The following RIMS1 variants were observed in gnomAD, a reference collection of about 807,000 sequenced individuals.
The protein encoded by RIMS1 is regulating synaptic membrane exocytosis protein 1.
In RIMS1, 83 loss-of-function variants were observed where a neutral mutation model predicts 214.1. The ratio of observed to expected loss-of-function variants is 0.39; its 90% CI spans 0.32 to 0.47. The LOEUF (loss-of-function observed/expected upper bound fraction) is 0.47, where lower values mean the gene tolerates loss of function less well. Ranked by LOEUF, RIMS1 falls within the 20% of genes least tolerant of loss-of-function variation. The probability of loss-of-function intolerance (pLI) is 0.99; values close to 1 mark genes in which losing one functional copy is unlikely to be tolerated. For synonymous variants in RIMS1, 793 were observed against 786.8 expected, an observed-to-expected ratio of 1.01 and a Z score of -0.13; for missense variants, 2,050 against 2,161.8, an observed-to-expected ratio of 0.95 and a Z score of 1.03.
intron 6 of RIMS1, among the ~76,000 whole-genome samples, chr6:72,223,432 A>T (rs1429523519): frequency 6.6e-6 from 1 of 152,218 alleles, no homozygotes; most frequent in Non-Finnish European, 1.5e-5. Flanking sequence ...TAAGATTTTA[A>T]TTGCTATGTT....
chr6:72,332,682 TAA>T (rs745643840), intron 28 of RIMS1, among the ~76,000 whole-genome samples: 14 of 126,046 alleles, frequency 1.1e-4, no homozygotes, highest in Non-Finnish European at 1.0e-4. Flanking sequence ...ACTTAAAGTA[TAA>T]AAAAAAAAAA....
intron 4 of RIMS1, among the ~76,000 whole-genome samples, chr6:72,143,338 A>G (rs1375712099): frequency 6.6e-6 from 1 of 152,220 alleles, no homozygotes; most frequent in Non-Finnish European, 1.5e-5. Context: ...AAAATAGGAT[A>G]TTGTTTAAGT....
At chr6:72,117,918 A>G (rs1354523969) in intron 4 of RIMS1, among the ~76,000 whole-genome samples, 1 of 152,048 alleles carries the variant, frequency 6.6e-6, no homozygotes, top group Non-Finnish European at 1.5e-5. Flanking sequence ...GAAAAGAAAT[A>G]ACAAAGATCA....
intron 4 of RIMS1, among the ~76,000 whole-genome samples, chr6:72,104,435 C>G (rs772042139): frequency 1.3e-5 from 2 of 152,178 alleles, no homozygotes; most frequent in Non-Finnish European, 2.9e-5. Context: ...ATGCCACATA[C>G]CTGCCATCCA....
At chr6:72,387,339 G>C (rs973305672) in intron 29 of RIMS1, among the ~76,000 whole-genome samples, 37 of 152,124 alleles carry the variant, frequency 2.4e-4, no homozygotes, top group African/African-American at 8.7e-4. Flanking sequence ...TCAATAACTG[G>C]TGTTCTATGC....
chr6:72,287,857 G>A (rs1461648368), intron 24 of RIMS1, among the ~76,000 whole-genome samples: 1 of 152,116 alleles, frequency 6.6e-6, no homozygotes, highest in Non-Finnish European at 1.5e-5. Context: ...CTCCCATAGT[G>A]GCATGAGCCA....
chr6:72,087,211 C>G (rs973425714), intron 2 of RIMS1, among the ~76,000 whole-genome samples: 3 of 152,116 alleles, frequency 2.0e-5, no homozygotes, highest in Admixed American at 6.5e-5. Context: ...CCATGAAGTT[C>G]AAGATGCTTT....
rs566435573 is a variant in RIMS1, at chr6:72,373,668, A to C, written c.4367-16930A>C. Among the ~76,000 whole-genome samples, 93 of 152,314 alleles carry C rather than the reference A, an allele frequency of 6.1e-4. 1 individual carries two copies. Among genetic ancestry groups the C allele is most frequent in the South Asian group, 1.7e-3 (8 of 4,828 alleles). On this transcript the variant is annotated intron_variant, in intron 29 of 33. Transcript: ENST00000521978. ...TTTTGTTAACATTTTCATTCATTAA[A>C]GCTTAGACATCTGCTTAGGCACATT...
chr6:71,979,668 G>C (rs1490309331), intron 2 of RIMS1, among the ~76,000 whole-genome samples: 2 of 151,850 alleles, frequency 1.3e-5, no homozygotes, highest in Non-Finnish European at 2.9e-5. Context: ...CTTTATCTCT[G>C]TATGTTTCTT....
At chr6:72,330,803 T>G (rs2096631889) in intron 28 of RIMS1, among the ~76,000 whole-genome samples, 1 of 151,792 alleles carries the variant, frequency 6.6e-6, no homozygotes, top group African/African-American at 2.4e-5. Context: ...TCTGACTGAT[T>G]AGATTCTATG....
At chr6:72,106,044 T>A (rs1026903073) in intron 4 of RIMS1, among the ~76,000 whole-genome samples, 1 of 152,216 alleles carries the variant, frequency 6.6e-6, no homozygotes, top group Non-Finnish European at 1.5e-5. Context: ...GATATGTAGA[T>A]CTTAAAAAGT....
At chr6:72,283,499 T>A (rs1454653963) in intron 23 of RIMS1, among the ~76,000 whole-genome samples, 4 of 151,546 alleles carry the variant, frequency 2.6e-5, no homozygotes, top group Non-Finnish European at 5.9e-5. Context: ...TTTAAAATGA[T>A]TTTAATACTT....
chr6:72,019,873 T>C (rs753300376), intron 2 of RIMS1, among the ~76,000 whole-genome samples: 2 of 152,138 alleles, frequency 1.3e-5, no homozygotes, highest in Non-Finnish European at 2.9e-5. Flanking sequence ...ATTGTCCAGA[T>C]AGTTGGTCCT....
At chr6:72,308,113 A>G (rs1053301226) in intron 27 of RIMS1, among the ~76,000 whole-genome samples, 6 of 152,116 alleles carry the variant, frequency 3.9e-5, no homozygotes, top group Non-Finnish European at 7.4e-5. Context: ...GTGATTTGAG[A>G]TTTCTTACAG....
intron 1 of RIMS1, 80 bp from the exon 2 acceptor site, chr6:71,968,903 C>A: frequency 7.3e-7 from 1 of 1,370,740 alleles, no homozygotes; most frequent in Non-Finnish European, 1.0e-6. Context: ...GAGTGTTTTT[C>A]AGTACCGTGT....
chr6:71,892,078 A>C (rs1770066375), intron 1 of RIMS1, among the ~76,000 whole-genome samples: 1 of 152,170 alleles, frequency 6.6e-6, no homozygotes, highest in Non-Finnish European at 1.5e-5. Flanking sequence ...TGAGAGTCAA[A>C]GTAAATTTGC....
In RIMS1 at chr6:72,158,932, GT is replaced by G. The variant is rs1409008415; in HGVS notation, c.472-20642del. 2.4e-4 allele frequency among the ~76,000 whole-genome samples: 34 copies of G among 140,256 alleles called. 7 individuals carry two copies. Among genetic ancestry groups the G allele is most frequent in the Non-Finnish European group, 3.2e-5 (2 of 61,680 alleles). 92.0% of individuals were successfully genotyped at this position (140,256 alleles called of 152,430 possible). Reference sequence around the variant, plus strand: ...CTTTGGGTATAAATGGGATGGCTGGGTCAAATGGTATTTCTAGTTCTAGGTC... The same window carrying G: ...CTTTGGGTATAAATGGGATGGCTGGGCAAATGGTATTTCTAGTTCTAGGTC... On this transcript the variant is annotated intron_variant, in intron 4 of 33. Transcript: ENST00000521978.
intron 4 of RIMS1, among the ~76,000 whole-genome samples, chr6:72,114,814 C>G (rs1317464746): frequency 6.6e-6 from 1 of 151,712 alleles, no homozygotes; most frequent in African/African-American, 2.4e-5. Context: ...CTGTACTTAG[C>G]TATTGTTGTG....
chr6:71,898,692 A>G (rs1245466974), intron 1 of RIMS1, among the ~76,000 whole-genome samples: 1 of 152,150 alleles, frequency 6.6e-6, no homozygotes, highest in African/African-American at 2.4e-5. Flanking sequence ...CAGGCCATCA[A>G]CTGATAAGAG....
Sources: allele counts gnomAD v4.1 joint callset (sites outside exome capture counted in the v4.1 genomes callset), GRCh38; gene constraint gnomAD v4.1.1; transcripts MANE v1.5; gene names NCBI Gene and HGNC (gene_info 2026-07-23, HGNC 2026-07-21).